The following PDZRN3 variants were observed in gnomAD, a reference collection of about 807,000 sequenced individuals.
PDZRN3 encodes PDZ domain containing ring finger 3.
A neutral mutation model predicts 85.7 loss-of-function variants in PDZRN3; 38 were observed. That is an observed-to-expected ratio of 0.44 (90% CI 0.34 to 0.58). The LOEUF (loss-of-function observed/expected upper bound fraction) is 0.58. Ranked by LOEUF, PDZRN3 falls within the 20% of genes least tolerant of loss-of-function variation. PDZRN3 has a pLI of 0.01. For synonymous variants in PDZRN3, 759 were observed against 638.0 expected, an observed-to-expected ratio of 1.19 and a Z score of -2.86; for missense variants, 1,629 against 1,506.4, an observed-to-expected ratio of 1.08 and a Z score of -1.35.
chr3:73,407,525 C>G (rs754590), intron 3 of PDZRN3, among the ~76,000 whole-genome samples: 49,971 of 152,110 alleles, frequency 0.33, 10,249 homozygotes, highest in East Asian at 0.71. Flanking sequence ...GTAAATATCA[C>G]ATAGATATAT....
chr3:73,388,930 CAAAAAAAAA>C (rs10675308), intron 7 of PDZRN3, among the ~76,000 whole-genome samples: 3,581 of 67,708 alleles, frequency 0.053, 201 homozygotes, highest in African/African-American at 0.18. Context: ...CTCCAGCAAT[CAAAAAAAAA>C]AAAAAAAAAA....
At chr3:73,416,120 T>C (rs1449451145) in intron 3 of PDZRN3, among the ~76,000 whole-genome samples, 2 of 151,872 alleles carry the variant, frequency 1.3e-5, no homozygotes, top group Admixed American at 6.6e-5. Flanking sequence ...ATCATGGGAG[T>C]TGGCTGCTGT....
chr3:73,499,074 G>A (rs1478442246), intron 3 of PDZRN3, among the ~76,000 whole-genome samples: 1 of 152,052 alleles, frequency 6.6e-6, no homozygotes, highest in Admixed American at 6.5e-5. Flanking sequence ...CGGTGACACC[G>A]CACGAAAGGG....
chr3:73,485,420 G>A (rs1031151169), intron 3 of PDZRN3, among the ~76,000 whole-genome samples: 25 of 151,956 alleles, frequency 1.6e-4, no homozygotes, highest in African/African-American at 6.0e-4. Flanking sequence ...GACCCTTACA[G>A]ATTCAAACAA....
At chr3:73,579,413 CT>C (rs1363052802) in intron 3 of PDZRN3, among the ~76,000 whole-genome samples, 2 of 152,204 alleles carry the variant, frequency 1.3e-5, no homozygotes, top group African/African-American at 4.8e-5. Flanking sequence ...TAAACAGCTA[CT>C]GCTAGATAAT....
intron 3 of PDZRN3, among the ~76,000 whole-genome samples, chr3:73,563,013 A>ATATATTTTT (rs1187151191): frequency 2.3e-5 from 1 of 43,780 alleles, no homozygotes; most frequent in African/African-American, 1.0e-4. Context: ...ATATATATAT[A>ATATATTTTT]TTTTTTTTTT....
At chr3:73,390,761 AAC>A (rs1379762629) in intron 6 of PDZRN3, among the ~76,000 whole-genome samples, 2 of 151,970 alleles carry the variant, frequency 1.3e-5, no homozygotes, top group Non-Finnish European at 2.9e-5. Flanking sequence ...CTTGGGGCTA[AAC>A]ACACAAAACC....
Position 73,392,233 on chromosome 3 carries a change from G to A in PDZRN3, c.1255-1117C>T, listed in dbSNP as rs562146199. Among the ~76,000 whole-genome samples, 5 of 152,392 alleles carry A rather than the reference G, an allele frequency of 3.3e-5. No individual in the cohort carries two copies. The South Asian group carries it at 1.0e-3, about 32-fold the overall frequency. On this transcript the variant is annotated intron_variant, in intron 5 of 9. Transcript: ENST00000263666. Reference sequence around the variant, plus strand: ...GCCAGAGCCCCATGTTCAAGGAAGAGAGAAGTGGGCTGAGGGTGGCCAGGT... The same window carrying A: ...GCCAGAGCCCCATGTTCAAGGAAGAAAGAAGTGGGCTGAGGGTGGCCAGGT...
At chr3:73,524,158 A>G (rs1047946745) in intron 3 of PDZRN3, among the ~76,000 whole-genome samples, 1 of 152,214 alleles carries the variant, frequency 6.6e-6, no homozygotes, top group African/African-American at 2.4e-5. Context: ...AGAATCCTGC[A>G]AAAAAGAAGG....
chr3:73,501,563 G>A (rs1006806950), intron 3 of PDZRN3, among the ~76,000 whole-genome samples: 1 of 152,154 alleles, frequency 6.6e-6, no homozygotes, highest in African/African-American at 2.4e-5. Context: ...TACCTGCTGT[G>A]TGCCTACTAT....
chr3:73,544,378 C>G (rs967659335), intron 3 of PDZRN3, among the ~76,000 whole-genome samples: 1 of 151,950 alleles, frequency 6.6e-6, no homozygotes, highest in Non-Finnish European at 1.5e-5. Context: ...TGAACTGTTA[C>G]GTATTTTTGG....
intron 3 of PDZRN3, among the ~76,000 whole-genome samples, chr3:73,598,771 A>T (rs963565356): frequency 2.0e-5 from 3 of 152,050 alleles, no homozygotes; most frequent in African/African-American, 7.2e-5. Flanking sequence ...TCATGTAGGC[A>T]GTCTAGCTGG....
At chr3:73,578,228 G>T (rs1408960839) in intron 3 of PDZRN3, among the ~76,000 whole-genome samples, 1 of 148,996 alleles carries the variant, frequency 6.7e-6, no homozygotes, top group Non-Finnish European at 1.5e-5. Flanking sequence ...CGAGTGCAGT[G>T]GCACGATCTC....
At chr3:73,399,491 C>A (rs548784392) in intron 5 of PDZRN3, among the ~76,000 whole-genome samples, 2 of 152,264 alleles carry the variant, frequency 1.3e-5, no homozygotes, top group South Asian at 4.2e-4. Flanking sequence ...TTCAGTCTGG[C>A]ATTTCCCAAA....
rs769232457 is a variant in PDZRN3 at position 73,591,923 on chromosome 3, G to GT, written c.918+10430dup. Among the ~76,000 whole-genome samples the GT allele has an allele frequency of 2.6e-5, 4 of 152,242 alleles. No individual in the cohort carries two copies. In the South Asian group the frequency reaches 8.3e-4, roughly 32 times the overall value. On this transcript the variant is annotated intron_variant, in intron 3 of 9. Coordinates refer to ENST00000263666, the MANE Select transcript of PDZRN3 (RefSeq NM_015009.3). ...CATGTAAACTCCCTAGAGCCAGGGAGTTTATCTCTGGGTATCCTGACCTAT... is the reference window on the plus strand; with the variant it reads ...CATGTAAACTCCCTAGAGCCAGGGAGTTTTATCTCTGGGTATCCTGACCTAT...
At chr3:73,517,520 C>A (rs1335360166) in intron 3 of PDZRN3, among the ~76,000 whole-genome samples, 2 of 152,130 alleles carry the variant, frequency 1.3e-5, no homozygotes, top group East Asian at 3.8e-4. Flanking sequence ...GCTTAGGCCC[C>A]AAAGGATGCT....
chr3:73,575,918 G>C (rs1371725247), intron 3 of PDZRN3, among the ~76,000 whole-genome samples: 1 of 152,062 alleles, frequency 6.6e-6, no homozygotes, highest in Admixed American at 6.5e-5. Context: ...CCAAAACTTA[G>C]AGTCACACAA....
At chr3:73,495,651 C>T (rs1025962314) in intron 3 of PDZRN3, among the ~76,000 whole-genome samples, 10 of 152,190 alleles carry the variant, frequency 6.6e-5, no homozygotes, top group Non-Finnish European at 1.5e-4. Flanking sequence ...CTGCAATGAA[C>T]ATCGAGGCAT....
intron 3 of PDZRN3, among the ~76,000 whole-genome samples, chr3:73,554,639 C>T (rs1701647620): frequency 6.6e-6 from 1 of 152,088 alleles, no homozygotes. Context: ...TTCCATATCC[C>T]AACTTAGAAA....
Sources: allele counts gnomAD v4.1 joint callset (sites outside exome capture counted in the v4.1 genomes callset), GRCh38; gene constraint gnomAD v4.1.1; transcripts MANE v1.5; gene names NCBI Gene and HGNC (gene_info 2026-07-23, HGNC 2026-07-21).